Variants in MSI2 observed in about 807,000 individuals in gnomAD.
MSI2 encodes the protein RNA-binding protein Musashi homolog 2.
In MSI2, 17 loss-of-function variants were observed where a neutral mutation model predicts 45.6. The ratio of observed to expected loss-of-function variants is 0.37; its 90% CI spans 0.26 to 0.56. The LOEUF (loss-of-function observed/expected upper bound fraction) is 0.56, where lower values mean the gene tolerates loss of function less well. MSI2 is among the 20% of genes least tolerant of loss of function. MSI2 has a pLI of 0.77. For missense variants in MSI2, 293 were observed against 444.2 expected, an observed-to-expected ratio of 0.66 and a Z score of 3.06; for synonymous variants, 156 against 158.2, an observed-to-expected ratio of 0.99 and a Z score of 0.11.
chr17:57,512,070 A>G lies in MSI2; in HGVS notation c.406-17606A>G, dbSNP rs536983894. 2.0e-5 allele frequency among the ~76,000 whole-genome samples: 3 copies of G among 152,292 alleles called. No individual in the cohort carries two copies. In the South Asian group the frequency reaches 6.2e-4, roughly 32 times the overall value. On this transcript the variant is annotated intron_variant, in intron 6 of 13. Transcript: ENST00000284073. The stretch of plus-strand genomic sequence containing the variant: ...TTACCCTGAGTATTCAGAGCCCTTG[A>G]GTGCATGAATGAATGACTAAAAACT...
At chr17:57,580,936 T>G (rs1003169637) in intron 7 of MSI2, among the ~76,000 whole-genome samples, 1 of 150,548 alleles carries the variant, frequency 6.6e-6, no homozygotes, top group Admixed American at 6.6e-5. Context: ...AACAACAGAC[T>G]TGTGCAGGCA....
intron 6 of MSI2, among the ~76,000 whole-genome samples, chr17:57,473,685 GAT>G (rs2085483334): frequency 3.3e-5 from 5 of 152,202 alleles, no homozygotes; most frequent in African/African-American, 1.2e-4. Context: ...AGTGCAGGAG[GAT>G]GGGGCTCTTC....
At chr17:57,405,162 C>A (rs981375052) in intron 6 of MSI2, among the ~76,000 whole-genome samples, 3 of 152,164 alleles carry the variant, frequency 2.0e-5, no homozygotes, top group Non-Finnish European at 4.4e-5. Flanking sequence ...ATGGGTTGTT[C>A]CTTTGCTGGC....
chr17:57,331,681 T>C (rs1358614776), intron 5 of MSI2, among the ~76,000 whole-genome samples: 1 of 152,342 alleles, frequency 6.6e-6, no homozygotes, highest in East Asian at 1.9e-4. Flanking sequence ...GTGCTTGGCA[T>C]GTAACCTTCC....
At chr17:57,440,277 C>T (rs751428965) in intron 6 of MSI2, among the ~76,000 whole-genome samples, 6 of 152,126 alleles carry the variant, frequency 3.9e-5, no homozygotes, top group South Asian at 2.1e-4. Context: ...CACAGGAAGC[C>T]GTGCCCCTCA....
At chr17:57,694,231 T>C in the MSI2 span, among the ~76,000 whole-genome samples, 4 of 152,174 alleles carry the variant, frequency 2.6e-5, no homozygotes, top group Non-Finnish European at 4.4e-5. Flanking sequence ...TGACTTGGAT[T>C]TGGGTTTTGC....
intron 5 of MSI2, among the ~76,000 whole-genome samples, chr17:57,312,210 C>A (rs755960220): frequency 6.6e-6 from 1 of 152,188 alleles, no homozygotes; most frequent in Non-Finnish European, 1.5e-5. Context: ...AGTTTCTTTT[C>A]GAGAGAACTA....
chr17:57,256,899 C>T, intron 1 of MSI2, 95 bp downstream of exon 1: 1 of 607,754 alleles, frequency 1.6e-6, no homozygotes, highest in Non-Finnish European at 2.5e-6. Context: ...TCTCCCGCGC[C>T]CCCCCGCCTC....
In MSI2 at chr17:57,355,204, T is replaced by G. The variant is rs553065256; in HGVS notation, c.313-46175T>G. On this transcript the variant is annotated intron_variant, in intron 5 of 13. Coordinates refer to ENST00000284073, the MANE Select transcript of MSI2 (RefSeq NM_138962.4). The stretch of plus-strand genomic sequence containing the variant: ...TGTGGGTTGGCCTCATTCACTCCTT[T>G]TGCACGTAAATGTTTTCCATGAGTT... Among the ~76,000 whole-genome samples, 5 of 152,336 alleles carry G rather than the reference T, an allele frequency of 3.3e-5. No homozygotes were observed. The East Asian group carries it at 7.7e-4, about 24-fold the overall frequency.
At chr17:57,437,371 T>G (rs1386723109) in intron 6 of MSI2, among the ~76,000 whole-genome samples, 4 of 152,198 alleles carry the variant, frequency 2.6e-5, no homozygotes. Context: ...CCAGAGCTCT[T>G]TGATGCCAAT....
chr17:57,280,567 C>A lies in MSI2; in HGVS notation c.312+18375C>A, dbSNP rs1909327401. On this transcript the variant is annotated intron_variant, in intron 5 of 13. Coordinates refer to ENST00000284073, the MANE Select transcript of MSI2 (RefSeq NM_138962.4). The surrounding 1 kb of genome is among the most constrained non-coding windows in gnomAD (Gnocchi z 4.2). ...ATTGATGTGAGCAGAGCCCCCAACCCCCACCTCCGTGAGATTGAGAGTGTT... is the reference window on the plus strand; with the variant it reads ...ATTGATGTGAGCAGAGCCCCCAACCACCACCTCCGTGAGATTGAGAGTGTT... Among the ~76,000 whole-genome samples the A allele has an allele frequency of 6.6e-6, 1 of 152,004 alleles. No homozygotes were observed. The highest frequency in any genetic ancestry group is 2.4e-5 in the African/African-American group (1 of 41,376).
chr17:57,540,524 A>T (rs1055920252), intron 7 of MSI2, among the ~76,000 whole-genome samples: 5 of 152,230 alleles, frequency 3.3e-5, no homozygotes, highest in African/African-American at 1.2e-4. Context: ...ATGTGACCTT[A>T]TTTAGAAAGA....
Position 57,569,885 on chromosome 17 carries a change from G to T in MSI2, c.455-26983G>T, listed in dbSNP as rs529340747. Among the ~76,000 whole-genome samples the T allele has an allele frequency of 2.6e-5, 4 of 152,272 alleles. No homozygotes were observed. The South Asian group carries it at 8.3e-4, about 32-fold the overall frequency. On this transcript the variant is annotated intron_variant, in intron 7 of 13. Coordinates refer to ENST00000284073, the MANE Select transcript of MSI2 (RefSeq NM_138962.4). ...AGGGTGCAGTGCAGGATCCTAAGAT[G>T]GTGTAGCAGGAGGCCACTCCCTGGG... is the stretch of plus-strand genomic sequence containing the variant.
chr17:57,384,489 C>G (rs2083651422), intron 5 of MSI2, among the ~76,000 whole-genome samples: 1 of 152,196 alleles, frequency 6.6e-6, no homozygotes, highest in Non-Finnish European at 1.5e-5. Flanking sequence ...AGTGAACAAG[C>G]TGGAAGCTGC....
chr17:57,561,877 C>G (rs2087584787), intron 7 of MSI2, among the ~76,000 whole-genome samples: 1 of 152,052 alleles, frequency 6.6e-6, no homozygotes, highest in African/African-American at 2.4e-5. Flanking sequence ...AAACTGGCAC[C>G]CAGAGAGGAT....
chr17:57,331,155 C>A (rs1914232898), intron 5 of MSI2, among the ~76,000 whole-genome samples: 4 of 152,118 alleles, frequency 2.6e-5, no homozygotes, highest in Non-Finnish European at 1.5e-5. Context: ...CTCAGGTGAT[C>A]CACCCGCCTC....
intron 5 of MSI2, among the ~76,000 whole-genome samples, chr17:57,390,254 C>CA (rs1304334718): frequency 4.6e-5 from 7 of 152,174 alleles, no homozygotes; most frequent in Admixed American, 4.6e-4. Context: ...GACCCTGTCT[C>CA]AAAAAACTTG....
intron 6 of MSI2, among the ~76,000 whole-genome samples, chr17:57,469,916 G>A (rs2085401614): frequency 6.6e-6 from 1 of 152,214 alleles, no homozygotes; most frequent in Non-Finnish European, 1.5e-5. Context: ...GGACTTCTTT[G>A]CTTCTCCAGC....
intron 5 of MSI2, among the ~76,000 whole-genome samples, chr17:57,374,876 G>C (rs1020773454): frequency 1.3e-5 from 2 of 152,194 alleles, no homozygotes; most frequent in Non-Finnish European, 1.5e-5. Flanking sequence ...ATGTGCTTTA[G>C]GCAAGATGGC....
Sources: allele counts gnomAD v4.1 joint callset (sites outside exome capture counted in the v4.1 genomes callset), GRCh38; gene constraint gnomAD v4.1.1; non-coding constraint Gnocchi (gnomAD v3.1); transcripts MANE v1.5; gene names NCBI Gene and HGNC (gene_info 2026-07-23, HGNC 2026-07-21).